Variants in MAK observed in about 807,000 individuals in gnomAD.
MAK encodes the protein serine/threonine-protein kinase MAK.
Under a neutral mutation model 82.6 loss-of-function variants are expected in MAK, and 65 were observed. The observed-to-expected ratio is 0.79, with a 90% CI of 0.64 to 0.97. The LOEUF is 0.97. MAK is among the 50% of genes least tolerant of loss of function. MAK has a pLI of 0.00. For missense variants in MAK, 703 were observed against 780.2 expected (o/e 0.90, Z 1.18); for synonymous variants, 250 against 274.2 (o/e 0.91, Z 0.87).
chr6:10,778,813 G>A, intron 11 of MAK, among the ~76,000 whole-genome samples: 1 of 151,860 alleles, frequency 6.6e-6, no homozygotes, highest in East Asian at 1.9e-4. Flanking sequence ...GAAGAGAGAA[G>A]GATGCACAGA....
intron 14 of MAK, among the ~76,000 whole-genome samples, chr6:10,765,707 A>G (rs1772370099): frequency 1.3e-5 from 2 of 149,282 alleles, no homozygotes; most frequent in African/African-American, 4.9e-5. Context: ...TGATCCACCC[A>G]CCTCAGCCTT....
At chr6:10,815,407 G>T (rs933585872) in intron 4 of MAK, among the ~76,000 whole-genome samples, 3 of 152,112 alleles carry the variant, frequency 2.0e-5, no homozygotes, top group African/African-American at 7.2e-5. Flanking sequence ...TGGATCCCTT[G>T]AGTTCAGGAG....
intron 14 of MAK, among the ~76,000 whole-genome samples, chr6:10,766,391 C>T (rs764663388): frequency 5.3e-5 from 8 of 152,158 alleles, no homozygotes; most frequent in South Asian, 2.1e-4. Flanking sequence ...GCCTGGCTGC[C>T]GTGTAGTTTG....
intron 13 of MAK, 105 bp downstream of exon 13, chr6:10,772,929 G>A (rs1453228230): frequency 1.2e-5 from 9 of 724,544 alleles, no homozygotes; most frequent in African/African-American, 5.2e-5. Flanking sequence ...TTCTCAAAGC[G>A]GATCATCTCG....
intron 2 of MAK, among the ~76,000 whole-genome samples, chr6:10,821,342 C>G (rs189136261): frequency 1.3e-5 from 2 of 152,274 alleles, no homozygotes; most frequent in African/African-American, 4.8e-5. Context: ...ATGGCGTGAT[C>G]TCGGCTCACT....
At chr6:10,801,835 C>T (rs971160582) in intron 8 of MAK, 57 bp downstream of exon 8, 9 of 1,532,164 alleles carry the variant, frequency 5.9e-6, no homozygotes, top group Admixed American at 5.0e-5. Flanking sequence ...ATGAAAACAT[C>T]CCTGATATTA....
intron 7 of MAK, 48 bp from the exon 8 acceptor site, chr6:10,802,107 T>C (rs752582518): frequency 1.3e-6 from 2 of 1,487,618 alleles, no homozygotes; most frequent in Non-Finnish European, 1.9e-6. Flanking sequence ...AAACAAATTG[T>C]TTTTAGTAAT....
intron 4 of MAK, among the ~76,000 whole-genome samples, chr6:10,815,912 G>GTGTGTATATATA (rs1554184483): frequency 0.017 from 1,795 of 107,650 alleles, 22 homozygotes; most frequent in Non-Finnish European, 0.023. Flanking sequence ...GCTTTATACA[G>GTGTGTATATATA]TATATATATA....
intron 4 of MAK, among the ~76,000 whole-genome samples, chr6:10,817,179 T>G (rs1262279611): frequency 1.3e-5 from 2 of 151,664 alleles, no homozygotes; most frequent in Non-Finnish European, 2.9e-5. Context: ...ATCAACATCA[T>G]TACTTCGGAA....
At chr6:10,804,276 T>A (rs551184387) in intron 6 of MAK, among the ~76,000 whole-genome samples, 1 of 152,076 alleles carries the variant, frequency 6.6e-6, no homozygotes, top group African/African-American at 2.4e-5. Context: ...CAGGATTATA[T>A]CCTGAGTAGT....
At chr6:10,815,912 G>GTGTGTGTGTATATATATATA (rs1554184483) in intron 4 of MAK, among the ~76,000 whole-genome samples, 13 of 108,346 alleles carry the variant, frequency 1.2e-4, no homozygotes, top group Non-Finnish European at 1.8e-4. Context: ...GCTTTATACA[G>GTGTGTGTGTATATATATATA]TATATATATA....
intron 2 of MAK, among the ~76,000 whole-genome samples, chr6:10,822,142 G>A (rs765764902): frequency 4.9e-4 from 50 of 102,246 alleles, no homozygotes; most frequent in Non-Finnish European, 8.7e-4. Flanking sequence ...GCGAGACTCC[G>A]TCTCAAAAAA....
chr6:10,770,253 C>T, intron 13 of MAK, 23 bp from the exon 14 acceptor site: 1 of 1,613,276 alleles, frequency 6.2e-7, no homozygotes, highest in Non-Finnish European at 8.5e-7. Context: ...CATAAAGTTT[C>T]ACAGTCAGAA....
At chr6:10,815,977 T>G (rs995907541) in intron 4 of MAK, among the ~76,000 whole-genome samples, 1 of 147,264 alleles carries the variant, frequency 6.8e-6, no homozygotes, top group Non-Finnish European at 1.5e-5. Flanking sequence ...TGAGATGGAG[T>G]CTTCTTCTGT....
intron 6 of MAK, among the ~76,000 whole-genome samples, chr6:10,804,468 G>A (rs1028479181): frequency 5.3e-5 from 8 of 152,088 alleles, no homozygotes; most frequent in African/African-American, 9.7e-5. Flanking sequence ...TCAGCCTCCC[G>A]AGCAGCGGGG....
chr6:10,811,684 G>C (rs1430188888), intron 5 of MAK, among the ~76,000 whole-genome samples: 1 of 152,106 alleles, frequency 6.6e-6, no homozygotes. Flanking sequence ...TGCCAATAAA[G>C]TGTAGTATAT....
rs1343692121 is a variant in MAK at position 10,775,360 on chromosome 6, C to G, written c.1565G>C (p.Gly522Ala). 6.2e-7 allele frequency: 1 copy of G among 1,613,722 alleles called. No individual in the cohort carries two copies. Among genetic ancestry groups the G allele is most frequent in the African/African-American group, 1.3e-5 (1 of 74,898 alleles). Reference sequence around the variant, plus strand: ...GCTCCTTTTGAAAGCAAGTTCTGCCCCAACGGGTCCCAGTGACTTGGGGAA... The same window carrying G: ...GCTCCTTTTGAAAGCAAGTTCTGCCGCAACGGGTCCCAGTGACTTGGGGAA... The part of the protein sequence containing the change: ...QLFPKSLGPV[G>A]AELAFKRSNA... Residue 522 changes from glycine to alanine, a missense_variant, in exon 12 of 15, where the codon GGG becomes GCG. By Grantham distance (60) the Gly-to-Ala change is moderately conservative. Coordinates refer to ENST00000354489, the MANE Select transcript of MAK (RefSeq NM_001242957.3).
At chr6:10,794,300 A>T (rs929505932) in intron 9 of MAK, among the ~76,000 whole-genome samples, 1 of 152,168 alleles carries the variant, frequency 6.6e-6, no homozygotes, top group Non-Finnish European at 1.5e-5. Flanking sequence ...CACTGAACAA[A>T]TATCTACTGA....
rs771280430 is a variant in MAK at position 10,801,880 on chromosome 6, G to A, written c.831+12C>T. On this transcript the variant is annotated intron_variant, in intron 8 of 14. Transcript: ENST00000354489. ...AACATTTTTAAAGGTCTAACAGGAA[G>A]ACTCCTCTTACCTGGCTTGCTGTCG... The A allele has an allele frequency of 4.3e-6, 7 of 1,612,942 alleles. No individual in the cohort carries two copies. Among genetic ancestry groups the A allele is most frequent in the Non-Finnish European group, 4.2e-6 (5 of 1,179,008 alleles).
Sources: gnomAD v4.1 joint callset for allele counts (sites outside exome capture counted in the v4.1 genomes callset) on GRCh38, gnomAD v4.1.1 for gene constraint, MANE v1.5 for transcripts, NCBI Gene and HGNC (gene_info 2026-07-23, HGNC 2026-07-21) for gene names.